Variants in DLGAP1 observed in about 807,000 individuals in gnomAD.
The protein encoded by DLGAP1 is DLG associated protein 1, also known as disks large-associated protein 1.
In DLGAP1, 11 loss-of-function variants were observed where a neutral mutation model predicts 90.8. The ratio of observed to expected loss-of-function variants is 0.12; its 90% CI spans 0.08 to 0.20. The LOEUF (loss-of-function observed/expected upper bound fraction) is 0.20. Ranked by LOEUF, DLGAP1 falls within the 10% of genes least tolerant of loss-of-function variation. The pLI, the probability that DLGAP1 is intolerant of heterozygous loss-of-function variation, is 1.00. For missense variants in DLGAP1, 1,050 were observed against 1,333.8 expected (o/e 0.79, Z 3.31); for synonymous variants, 558 against 540.7 (o/e 1.03, Z -0.44).
intron 7 of DLGAP1, among the ~76,000 whole-genome samples, chr18:3,608,652 C>A (rs901503461): frequency 1.1e-4 from 17 of 152,052 alleles, no homozygotes; most frequent in Admixed American, 6.6e-5. Flanking sequence ...GAGAGCTGGC[C>A]ACGAGGGAAT....
At chr18:3,714,511 AC>A (rs1284203671) in intron 7 of DLGAP1, among the ~76,000 whole-genome samples, 1 of 152,080 alleles carries the variant, frequency 6.6e-6, no homozygotes, top group Non-Finnish European at 1.5e-5. Flanking sequence ...TCATGACAAA[AC>A]CTAAGCACTA....
intron 7 of DLGAP1, among the ~76,000 whole-genome samples, chr18:3,631,331 C>T (rs1442910033): frequency 6.6e-6 from 1 of 152,162 alleles, no homozygotes; most frequent in Admixed American, 6.6e-5. Context: ...TTCTAATCCA[C>T]ATATTTAACT....
At chr18:4,052,974 T>C (rs2075157928) in intron 2 of DLGAP1, among the ~76,000 whole-genome samples, 1 of 152,190 alleles carries the variant, frequency 6.6e-6, no homozygotes, top group South Asian at 2.1e-4. Context: ...ATCAGCATTT[T>C]GGTCAAAGCC....
intron 1 of DLGAP1, among the ~76,000 whole-genome samples, chr18:4,185,842 C>T (rs902377879): frequency 1.3e-5 from 2 of 152,064 alleles, no homozygotes; most frequent in African/African-American, 4.8e-5. Context: ...CTGTTTTTAG[C>T]TCTTTAAGGA....
At chr18:3,709,830 C>A (rs966820184) in intron 7 of DLGAP1, among the ~76,000 whole-genome samples, 1 of 152,122 alleles carries the variant, frequency 6.6e-6, no homozygotes, top group Non-Finnish European at 1.5e-5. Context: ...CTCTGCATTC[C>A]TACCGTTGCC....
rs373590888 is a variant in DLGAP1 at position 4,351,211 on chromosome 18, G to A, written c.-267+103795C>T. Among the ~76,000 whole-genome samples, 8 of 152,296 alleles carry A rather than the reference G, an allele frequency of 5.3e-5. No homozygotes were observed. The East Asian group carries it at 1.5e-3, about 29-fold the overall frequency. ...CCTTTCTTCAACCAATTGTTAGCGT[G>A]TTTGCTGTAGATTAAAACACTGCCA... On this transcript the variant is annotated intron_variant, in intron 1 of 12. Coordinates refer to ENST00000315677, the MANE Select transcript of DLGAP1 (RefSeq NM_004746.4).
At chr18:3,564,695 A>G (rs1344489687) in intron 9 of DLGAP1, among the ~76,000 whole-genome samples, 1 of 152,080 alleles carries the variant, frequency 6.6e-6, no homozygotes, top group Non-Finnish European at 1.5e-5. Context: ...AGAGTTGTCA[A>G]TATTGAGCCT....
intron 1 of DLGAP1, among the ~76,000 whole-genome samples, chr18:4,200,107 T>G (rs961208368): frequency 2.6e-5 from 4 of 152,198 alleles, no homozygotes; most frequent in Non-Finnish European, 5.9e-5. Flanking sequence ...TTCCAAGTAT[T>G]TTCTGAGTAG....
chr18:3,879,266 C>A lies in DLGAP1; in HGVS notation c.803G>T (p.Ser268Ile). Residue 268 changes from serine to isoleucine, a missense_variant, in exon 4 of 13, where the codon AGC becomes ATC. By Grantham distance (142) the Ser-to-Ile change is moderately radical (BLOSUM62 -2). Around this residue, in one of 2 missense-constraint regions of DLGAP1, gnomAD observed 485 missense variants for 454.1 expected, o/e 1.07. Coordinates refer to ENST00000315677, the MANE Select transcript of DLGAP1 (RefSeq NM_004746.4). This position sits in a 1 kb window ranked among gnomAD's most constrained non-coding sequence, Gnocchi z 6.6. ...KCSTCANLPV[S>I]LDTPLLKKSA... ...CTTCTTCAGCAGCGGGGTGTCCAGG[C>A]TGACCGGCAGGTTGGCGCAGGTGGA... The A allele has an allele frequency of 6.3e-7, 1 of 1,599,634 alleles. No homozygotes were observed. The highest frequency in any genetic ancestry group is 8.5e-7 in the Non-Finnish European group (1 of 1,172,460).
chr18:3,612,154 G>C (rs2057665122), intron 7 of DLGAP1, among the ~76,000 whole-genome samples: 1 of 152,216 alleles, frequency 6.6e-6, no homozygotes, highest in South Asian at 2.1e-4. Flanking sequence ...CCAGGAGTTT[G>C]AGTCCAGCCT....
chr18:3,674,131 C>T (rs1468238287), intron 7 of DLGAP1, among the ~76,000 whole-genome samples: 3 of 151,898 alleles, frequency 2.0e-5, no homozygotes, highest in Non-Finnish European at 4.4e-5. Context: ...AGTGAGCCAC[C>T]ATGCCTGGCC....
In DLGAP1 at chr18:3,803,782, G is replaced by A. The variant is rs188224061; in HGVS notation, c.1172+10277C>T. ...GCCTTGGTGTATCAGTAAAGTGTTG[G>A]TTAAAAATCAACTCGAAATTCCTTC... On this transcript the variant is annotated intron_variant, in intron 5 of 12. Coordinates refer to ENST00000315677, the MANE Select transcript of DLGAP1 (RefSeq NM_004746.4). Among the ~76,000 whole-genome samples the A allele has an allele frequency of 5.0e-3, 764 of 151,990 alleles. 3 individuals carry two copies. The highest frequency in any genetic ancestry group is 0.017 in the Middle Eastern group (5 of 294).
chr18:3,672,533 C>A (rs560652248), intron 7 of DLGAP1, among the ~76,000 whole-genome samples: 30 of 126,984 alleles, frequency 2.4e-4, no homozygotes, highest in Admixed American at 1.9e-3. Flanking sequence ...GCCAAGATCT[C>A]GCCATTGCAC....
chr18:4,399,741 AG>A (rs1421217659), intron 1 of DLGAP1, among the ~76,000 whole-genome samples: 2 of 152,208 alleles, frequency 1.3e-5, no homozygotes, highest in Non-Finnish European at 2.9e-5. Flanking sequence ...GAGAAGCAAG[AG>A]GCATAGAGAG....
chr18:3,708,195 C>T (rs144542996), intron 7 of DLGAP1: 26 of 346,568 alleles, frequency 7.5e-5, no homozygotes, highest in South Asian at 1.4e-4. Flanking sequence ...TCAGGAGAGA[C>T]GGGATTTCAC....
At chr18:4,251,046 C>T (rs1361993587) in intron 1 of DLGAP1, among the ~76,000 whole-genome samples, 1 of 152,026 alleles carries the variant, frequency 6.6e-6, no homozygotes, top group Non-Finnish European at 1.5e-5. Context: ...CAGGAAACAG[C>T]GTTAAACTGG....
intron 1 of DLGAP1, among the ~76,000 whole-genome samples, chr18:4,340,467 T>C (rs1321369390): frequency 1.3e-5 from 2 of 152,150 alleles, no homozygotes; most frequent in Admixed American, 6.6e-5. Flanking sequence ...TCATGGAAAA[T>C]GGAAGCATGG....
chr18:3,974,104 C>T (rs2073517634), intron 3 of DLGAP1, among the ~76,000 whole-genome samples: 1 of 151,372 alleles, frequency 6.6e-6, no homozygotes, highest in South Asian at 2.1e-4. Flanking sequence ...GAGAAGGAGT[C>T]TCACTCCCTC....
intron 1 of DLGAP1, among the ~76,000 whole-genome samples, chr18:4,327,730 T>C (rs564552542): frequency 6.6e-6 from 1 of 152,172 alleles, no homozygotes; most frequent in African/African-American, 2.4e-5. Flanking sequence ...CATCCATTAG[T>C]ATTCAATAGT....
Sources: gnomAD v4.1 joint callset for allele counts (sites outside exome capture counted in the v4.1 genomes callset) on GRCh38, gnomAD v4.1.1 for gene constraint, gnomAD v4.1.1 regional missense constraint, Gnocchi (gnomAD v3.1) non-coding constraint, MANE v1.5 for transcripts, NCBI Gene and HGNC (gene_info 2026-07-23, HGNC 2026-07-21) for gene names.